Variants in DLG2 observed in about 807,000 individuals in gnomAD.
DLG2 encodes discs large MAGUK scaffold protein 2, also known as disks large homolog 2.
DLG2 carries 45 observed loss-of-function variants against 132.5 expected under a neutral mutation model. The observed-to-expected ratio is 0.34, with a 90% confidence interval of 0.27 to 0.44. The LOEUF is 0.44. Among genes scored for constraint, DLG2 ranks in the 20% least tolerant of loss-of-function variants. DLG2 has a pLI of 1.00. For missense variants in DLG2, 1,045 were observed against 1,196.9 expected (o/e 0.87, Z 1.87); for synonymous variants, 424 against 419.6 (o/e 1.01, Z -0.13).
chr11:83,831,035 G>A lies in DLG2; in HGVS notation c.1722+2579C>T, dbSNP rs1024900045. ...CTTCAGGCTATAGTGACTTCTTAAT[G>A]TACCACCATATTTATTCAACACTTT... On this transcript the variant is annotated intron_variant, in intron 17 of 27. Transcript: ENST00000376104. Among the ~76,000 whole-genome samples, 8 of 152,156 alleles carry A rather than the reference G, an allele frequency of 5.3e-5. 1 individual carries two copies. The highest frequency in any genetic ancestry group is 1.9e-4 in the African/African-American group (8 of 41,436).
chr11:84,365,806 A>G (rs929614587), intron 7 of DLG2, among the ~76,000 whole-genome samples: 13 of 151,950 alleles, frequency 8.6e-5, no homozygotes, highest in Non-Finnish European at 1.5e-4. Context: ...TTCAGTTTCC[A>G]TGTAGTTGAA....
intron 6 of DLG2, among the ~76,000 whole-genome samples, chr11:85,036,850 C>T (rs902916169): frequency 4.6e-5 from 7 of 152,116 alleles, no homozygotes; most frequent in African/African-American, 1.4e-4. Context: ...TGTATCAAGG[C>T]ACTTCATTTT....
intron 4 of DLG2, among the ~76,000 whole-genome samples, chr11:85,243,985 A>G (rs1435899812): frequency 3.8e-4 from 57 of 151,950 alleles, no homozygotes; most frequent in Admixed American, 3.7e-3. Context: ...TAGAGTTGCT[A>G]TGAAGTTTCA....
At chr11:85,323,451 A>G (rs2152828745) in intron 3 of DLG2, among the ~76,000 whole-genome samples, 1 of 152,372 alleles carries the variant, frequency 6.6e-6, no homozygotes, top group South Asian at 2.1e-4. Context: ...GATCAAATAA[A>G]TGAAATTAGA....
At chr11:83,787,564 G>A (rs1474300969) in intron 17 of DLG2, among the ~76,000 whole-genome samples, 11 of 151,550 alleles carry the variant, frequency 7.3e-5, no homozygotes, top group Non-Finnish European at 8.8e-5. Flanking sequence ...CTCGTGATCC[G>A]CCTGCCTCGG....
intron 2 of DLG2, among the ~76,000 whole-genome samples, chr11:85,606,356 T>C (rs145241752): frequency 5.9e-5 from 9 of 152,224 alleles, no homozygotes; most frequent in South Asian, 2.1e-4. Context: ...AACTAAAGGA[T>C]TGTAAATGCA....
At chr11:84,563,290 C>T (rs2099434939) in intron 6 of DLG2, among the ~76,000 whole-genome samples, 1 of 152,194 alleles carries the variant, frequency 6.6e-6, no homozygotes, top group South Asian at 2.1e-4. Context: ...ACACCCACAA[C>T]ACATCCACAT....
chr11:85,213,203 T>A (rs577442339), intron 4 of DLG2, among the ~76,000 whole-genome samples: 47 of 152,080 alleles, frequency 3.1e-4, no homozygotes, highest in African/African-American at 1.0e-3. Flanking sequence ...TCTAAAATAT[T>A]TGAAGAGATT....
chr11:85,541,451 T>G (rs986518488), intron 3 of DLG2, among the ~76,000 whole-genome samples: 3 of 151,288 alleles, frequency 2.0e-5, no homozygotes, highest in Non-Finnish European at 4.4e-5. Context: ...CCCAATGTCA[T>G]ACAGATAATG....
intron 3 of DLG2, among the ~76,000 whole-genome samples, chr11:85,333,341 C>G (rs1441163984): frequency 6.6e-6 from 1 of 152,116 alleles, no homozygotes; most frequent in African/African-American, 2.4e-5. Flanking sequence ...ATCTTCTTGG[C>G]AGAGACTATA....
Position 84,760,833 on chromosome 11 carries a change from G to A in DLG2, c.358-226102C>T, listed in dbSNP as rs1209742794. Among the ~76,000 whole-genome samples the A allele has an allele frequency of 4.6e-5, 7 of 152,060 alleles. 1 individual carries two copies. The highest frequency in any genetic ancestry group is 3.3e-4 in the Admixed American group (5 of 15,260). ...AGGAGGGATGTCTGGACACTGGGCCGGCGACAGTCAGGAGCAGAGACCGGC... is the reference window on the plus strand; with the variant it reads ...AGGAGGGATGTCTGGACACTGGGCCAGCGACAGTCAGGAGCAGAGACCGGC... On this transcript the variant is annotated intron_variant, in intron 6 of 27. Transcript: ENST00000376104.
At chr11:85,065,507 A>C (rs1593494139) in intron 6 of DLG2, among the ~76,000 whole-genome samples, 1 of 151,496 alleles carries the variant, frequency 6.6e-6, no homozygotes, top group East Asian at 1.9e-4. Context: ...TTCCGGATTT[A>C]AAACCAGGTT....
At chr11:83,574,180 A>G (rs1281740412) in intron 19 of DLG2, among the ~76,000 whole-genome samples, 1 of 152,112 alleles carries the variant, frequency 6.6e-6, no homozygotes, top group East Asian at 1.9e-4. Flanking sequence ...AGTTGGAGAA[A>G]GGTGGAGGGT....
intron 3 of DLG2, among the ~76,000 whole-genome samples, chr11:85,383,842 C>T (rs1284730848): frequency 6.6e-6 from 1 of 152,162 alleles, no homozygotes; most frequent in Non-Finnish European, 1.5e-5. Flanking sequence ...AGGCTTCCCA[C>T]ACTTCTGCCA....
At chr11:85,471,942 CATA>C (rs2092996720) in intron 3 of DLG2, among the ~76,000 whole-genome samples, 1 of 151,980 alleles carries the variant, frequency 6.6e-6, no homozygotes, top group South Asian at 2.1e-4. Context: ...CACAAGGAAC[CATA>C]ATGTGACTTT....
intron 2 of DLG2, among the ~76,000 whole-genome samples, chr11:85,610,107 G>A (rs2080886099): frequency 6.6e-6 from 1 of 152,134 alleles, no homozygotes; most frequent in Admixed American, 6.5e-5. Context: ...GGAAAAAAAT[G>A]CCCGCCCAGT....
At chr11:84,334,218 A>G (rs934783009) in intron 7 of DLG2, among the ~76,000 whole-genome samples, 1 of 152,214 alleles carries the variant, frequency 6.6e-6, no homozygotes, top group Non-Finnish European at 1.5e-5. Flanking sequence ...AGGATAAAGG[A>G]AAGCTATTGT....
intron 3 of DLG2, among the ~76,000 whole-genome samples, chr11:85,380,300 G>A (rs1170887971): frequency 3.9e-5 from 6 of 152,148 alleles, no homozygotes; most frequent in South Asian, 4.1e-4. Context: ...ATCGAAATAC[G>A]TTCCATATCA....
intron 6 of DLG2, among the ~76,000 whole-genome samples, chr11:84,766,142 G>A (rs1400181669): frequency 1.3e-5 from 2 of 152,012 alleles, no homozygotes; most frequent in Non-Finnish European, 2.9e-5. Context: ...GAACATTGTG[G>A]AGATGAACAG....
Sources: gnomAD v4.1 joint callset for allele counts (sites outside exome capture counted in the v4.1 genomes callset) on GRCh38, gnomAD v4.1.1 for gene constraint, MANE v1.5 for transcripts, NCBI Gene and HGNC (gene_info 2026-07-23, HGNC 2026-07-21) for gene names.